The following NAA25 variants were observed in gnomAD, a reference collection of about 807,000 sequenced individuals.
NAA25 encodes N-alpha-acetyltransferase 25, NatB auxiliary subunit.
In NAA25, 30 loss-of-function variants were observed where a neutral mutation model predicts 132.5. That is an observed-to-expected ratio of 0.23 (90% CI 0.17 to 0.31). NAA25 has a LOEUF of 0.31. Among genes scored for constraint, NAA25 ranks in the 10% least tolerant of loss-of-function variants. The pLI is 1.00. For missense variants in NAA25, 771 were observed against 1,150.4 expected (o/e 0.67, Z 4.77); for synonymous variants, 359 against 401.9 (o/e 0.89, Z 1.28).
chr12:112,091,726 G>A (rs1478730705), intron 2 of NAA25, among the ~76,000 whole-genome samples: 1 of 151,634 alleles, frequency 6.6e-6, no homozygotes, highest in Non-Finnish European at 1.5e-5. Context: ...AGCCAGGCAT[G>A]GTGGTACACC....
intron 11 of NAA25, among the ~76,000 whole-genome samples, chr12:112,064,606 T>A (rs1229598325): frequency 6.6e-6 from 1 of 152,210 alleles, no homozygotes; most frequent in African/African-American, 2.4e-5. Context: ...ATTTTATATA[T>A]TAGTTAGGTT....
At chr12:112,040,242 T>G (rs547144363) in intron 21 of NAA25, 84 of 346,870 alleles carry the variant, frequency 2.4e-4, no homozygotes, top group Non-Finnish European at 3.9e-4. Context: ...TGGGGAAGTT[T>G]AGAGATGAGT....
At chr12:112,067,528 G>A (rs1351097252) in intron 11 of NAA25, among the ~76,000 whole-genome samples, 1 of 151,894 alleles carries the variant, frequency 6.6e-6, no homozygotes, top group Non-Finnish European at 1.5e-5. Context: ...GGCAAACATG[G>A]CAAAACCCTG....
intron 1 of NAA25, among the ~76,000 whole-genome samples, chr12:112,103,792 G>T (rs1313501422): frequency 6.6e-6 from 1 of 152,158 alleles, no homozygotes; most frequent in East Asian, 1.9e-4. Context: ...GATGGTTTCG[G>T]GATAAAACTA....
chr12:112,074,227 G>A (rs2078859875), intron 9 of NAA25, among the ~76,000 whole-genome samples: 1 of 151,078 alleles, frequency 6.6e-6, no homozygotes, highest in African/African-American at 2.4e-5. Context: ...TATAGTCCCA[G>A]CTATTCGGGA....
Position 112,039,338 on chromosome 12 carries a change from G to T in NAA25, c.2540C>A (p.Thr847Asn). The T allele has an allele frequency of 6.3e-7, 1 of 1,591,890 alleles. No homozygotes were observed. The highest frequency in any genetic ancestry group is 1.1e-5 in the South Asian group (1 of 89,180). The change falls in exon 22 of 24, where the codon ACT becomes AAT. Residue 847 changes from threonine (T) to asparagine (N), a missense_variant and splice_region_variant. Transcript: ENST00000261745. The part of the protein sequence containing the change: ...LLENLVFFVE[T>N]ISVILWVSSY... ...GGATACCCAAAGGATAACAGAAATAGTCTGAAAGGAAAAATTGCAAATTCA... is the reference window on the plus strand; with the variant it reads ...GGATACCCAAAGGATAACAGAAATATTCTGAAAGGAAAAATTGCAAATTCA...
intron 19 of NAA25, among the ~76,000 whole-genome samples, chr12:112,042,551 G>T (rs2078316385): frequency 6.6e-6 from 1 of 150,522 alleles, no homozygotes; most frequent in South Asian, 2.1e-4. Flanking sequence ...CTATCATCCA[G>T]GCTGGAGTGC....
intron 12 of NAA25, 50 bp downstream of exon 12, chr12:112,061,131 A>C (rs1242344117): frequency 1.3e-6 from 2 of 1,528,674 alleles, no homozygotes; most frequent in South Asian, 2.3e-5. Flanking sequence ...CTGCCTTCTA[A>C]GTCTTAGTGT....
chr12:112,053,570 G>A lies in NAA25; in HGVS notation c.1716C>T (p.Ser572=). Reference sequence around the variant, plus strand: ...GTTTTTCACTTACATCTTTCTGGTTGGAGTGAAAAAACCTGAGTGCGAAGT... The same window carrying A: ...GTTTTTCACTTACATCTTTCTGGTTAGAGTGAAAAAACCTGAGTGCGAAGT... The part of the protein sequence containing the change: ...SCNFALRFFH[S]NQKDTSEYII... The change falls in exon 15 of 24, where the codon TCC becomes TCT. Residue 572 remains serine, a synonymous_variant. Transcript: ENST00000261745. 6.2e-7 allele frequency: 1 copy of A among 1,604,322 alleles called. No homozygotes were observed. The highest frequency in any genetic ancestry group is 8.5e-7 in the Non-Finnish European group (1 of 1,173,748).
chr12:112,040,765 T>A (rs2078290936), intron 20 of NAA25, among the ~76,000 whole-genome samples, 187 bp from the exon 21 acceptor site: 1 of 152,230 alleles, frequency 6.6e-6, no homozygotes, highest in African/African-American at 2.4e-5. Context: ...AAAGCCATGC[T>A]GTTGCTCTAT....
At position 112,049,609 on chromosome 12, in the gene NAA25, T is replaced by C. The variant is rs2078433387; in HGVS notation, c.1729-1166A>G. 1.0e-6 allele frequency: 1 copy of C among 985,620 alleles called. No individual in the cohort carries two copies. Among genetic ancestry groups the C allele is most frequent in the Non-Finnish European group, 1.2e-6 (1 of 829,936 alleles). 61.1% of individuals were successfully genotyped at this position (985,620 alleles called of 1,614,324 possible). A position where few individuals can be genotyped will look rare whatever the true frequency, so the allele number is the denominator to read the frequency against. On this transcript the variant is annotated intron_variant, in intron 15 of 23. Coordinates refer to ENST00000261745, the MANE Select transcript of NAA25 (RefSeq NM_024953.4). The surrounding 1 kb of genome is among the most constrained non-coding windows in gnomAD (Gnocchi z 4.7). ...ACCTCGGCGAGCTGTTTGCCTGCAG[T>C]ATCTGGAGAAATTAAAGACGGACGG...
chr12:112,085,581 T>G (rs888784232), intron 4 of NAA25, among the ~76,000 whole-genome samples: 2 of 152,086 alleles, frequency 1.3e-5, no homozygotes, highest in African/African-American at 4.8e-5. Context: ...GTATTTTATG[T>G]ACCATAGGGA....
chr12:112,078,561 C>T, intron 6 of NAA25, 73 bp downstream of exon 6: 2 of 1,319,172 alleles, frequency 1.5e-6, no homozygotes, highest in South Asian at 2.5e-5. Flanking sequence ...AACAACAGTT[C>T]ATAGTATTAT....
At chr12:112,065,885 C>A (rs990116316) in intron 11 of NAA25, 3 of 152,190 alleles carry the variant, frequency 2.0e-5, no homozygotes, top group Non-Finnish European at 2.9e-5. Context: ...AATCCTCTGA[C>A]AAACATACTT....
At chr12:112,087,998 C>T (rs1372122397) in intron 3 of NAA25, among the ~76,000 whole-genome samples, 197 bp from the exon 4 acceptor site, 2 of 152,132 alleles carry the variant, frequency 1.3e-5, no homozygotes, top group Non-Finnish European at 1.5e-5. Flanking sequence ...CTTCTCATAG[C>T]ATTTACAACA....
chr12:112,035,134 T>C (rs1305962005), intron 22 of NAA25: 1 of 152,222 alleles, frequency 6.6e-6, no homozygotes, highest in Non-Finnish European at 1.5e-5. Flanking sequence ...AGTATATGAA[T>C]GATCTTCACT....
At chr12:112,057,852 G>C (rs1326247877) in intron 13 of NAA25, among the ~76,000 whole-genome samples, 1 of 152,142 alleles carries the variant, frequency 6.6e-6, no homozygotes, top group South Asian at 2.1e-4. Flanking sequence ...GTGGTGGTGG[G>C]CGCCTGTAGT....
At chr12:112,055,758 T>A (rs1466456934) in intron 13 of NAA25, among the ~76,000 whole-genome samples, 1 of 149,548 alleles carries the variant, frequency 6.7e-6, no homozygotes, top group Non-Finnish European at 1.5e-5. Context: ...GTGATAAGAG[T>A]GCTTTTGAGG....
chr12:112,074,058 C>T (rs1010589927), intron 9 of NAA25, among the ~76,000 whole-genome samples: 2 of 151,934 alleles, frequency 1.3e-5, no homozygotes, highest in African/African-American at 2.4e-5. Flanking sequence ...TTAAGCCGGG[C>T]GCAATGGCTC....
Sources: gnomAD v4.1 joint callset for allele counts (sites outside exome capture counted in the v4.1 genomes callset) on GRCh38, gnomAD v4.1.1 for gene constraint, Gnocchi (gnomAD v3.1) non-coding constraint, MANE v1.5 for transcripts, NCBI Gene and HGNC (gene_info 2026-07-23, HGNC 2026-07-21) for gene names.